The following CORO2B variants were observed in gnomAD, a reference collection of about 807,000 sequenced individuals.
CORO2B encodes the protein coronin-2B.
Under a neutral mutation model 58.8 loss-of-function variants are expected in CORO2B, and 26 were observed. That is an observed-to-expected ratio of 0.44 (90% CI 0.32 to 0.61). CORO2B has a LOEUF of 0.61. Among genes scored for constraint, CORO2B ranks in the 20% least tolerant of loss-of-function variants. CORO2B has a pLI of 0.04. For missense variants in CORO2B, 460 were observed against 645.1 expected, an observed-to-expected ratio of 0.71 and a Z score of 3.11; for synonymous variants, 242 against 253.8, an observed-to-expected ratio of 0.95 and a Z score of 0.44.
intron 1 of CORO2B, among the ~76,000 whole-genome samples, chr15:68,630,517 G>T (rs2140259540): frequency 6.6e-6 from 1 of 152,146 alleles, no homozygotes; most frequent in East Asian, 1.9e-4. Flanking sequence ...TCTTTGCTGT[G>T]GGGGCAGAAA....
At chr15:68,660,238 A>G (rs1901969921) in intron 2 of CORO2B, among the ~76,000 whole-genome samples, 1 of 152,256 alleles carries the variant, frequency 6.6e-6, no homozygotes, top group South Asian at 2.1e-4. Flanking sequence ...TCTAATGTCA[A>G]TTTGTTTGCT....
chr15:68,548,852 C>T, the CORO2B span, among the ~76,000 whole-genome samples: 43 of 152,310 alleles, frequency 2.8e-4, no homozygotes, highest in Non-Finnish European at 4.9e-4. Flanking sequence ...ATTACCTATA[C>T]ATATATTCTT....
chr15:68,611,071 A>G (rs1900237022), intron 1 of CORO2B, among the ~76,000 whole-genome samples: 1 of 152,182 alleles, frequency 6.6e-6, no homozygotes, highest in Non-Finnish European at 1.5e-5. Flanking sequence ...GTTCATCAAC[A>G]TGAGAAAATG....
chr15:68,564,875 A>T, the CORO2B span, among the ~76,000 whole-genome samples: 2 of 152,200 alleles, frequency 1.3e-5, no homozygotes, highest in African/African-American at 4.8e-5. Flanking sequence ...TTTATTAGAA[A>T]TTTTTGGCTA....
intron 1 of CORO2B, among the ~76,000 whole-genome samples, chr15:68,627,493 C>T (rs187247937): frequency 2.2e-4 from 34 of 152,036 alleles, no homozygotes; most frequent in African/African-American, 4.6e-4. Flanking sequence ...GAGAAGAGGG[C>T]GGGCATCTCT....
intron 3 of CORO2B, among the ~76,000 whole-genome samples, chr15:68,705,628 G>A (rs1267789446): frequency 1.3e-5 from 2 of 152,068 alleles, no homozygotes; most frequent in African/African-American, 4.8e-5. Flanking sequence ...CAGCTCTCTT[G>A]GTTTCCATCT....
chr15:68,713,292 G>A (rs996956945), intron 5 of CORO2B, among the ~76,000 whole-genome samples: 8 of 152,186 alleles, frequency 5.3e-5, no homozygotes, highest in African/African-American at 1.7e-4. Flanking sequence ...AATGCCCCTG[G>A]TGAGAGCTCC....
intron 1 of CORO2B, among the ~76,000 whole-genome samples, chr15:68,607,466 T>C (rs1406725598): frequency 1.3e-5 from 2 of 152,122 alleles, no homozygotes; most frequent in African/African-American, 4.8e-5. Context: ...TAGGGTCACT[T>C]CCACACCCAG....
At chr15:68,648,260 G>A (rs376799088) in intron 2 of CORO2B, among the ~76,000 whole-genome samples, 7 of 151,562 alleles carry the variant, frequency 4.6e-5, no homozygotes, top group African/African-American at 1.7e-4. Flanking sequence ...TTGAACCCGG[G>A]AGGCAGAGGT....
intron 2 of CORO2B, among the ~76,000 whole-genome samples, chr15:68,648,557 G>T (rs1317338836): frequency 2.0e-5 from 3 of 152,112 alleles, no homozygotes; most frequent in African/African-American, 7.2e-5. Context: ...GGCTGAGGTG[G>T]GAGAATGGTG....
chr15:68,698,725 T>C (rs933790411), intron 3 of CORO2B, among the ~76,000 whole-genome samples: 1 of 152,272 alleles, frequency 6.6e-6, no homozygotes, highest in East Asian at 1.9e-4. Flanking sequence ...TGCTCGTCTC[T>C]GAAACAGTAA....
At chr15:68,556,744 C>G in the CORO2B span, among the ~76,000 whole-genome samples, 1 of 152,222 alleles carries the variant, frequency 6.6e-6, no homozygotes, top group African/African-American at 2.4e-5. Context: ...CCTCCCAGAT[C>G]TCACCAGGAC....
intron 1 of CORO2B, among the ~76,000 whole-genome samples, chr15:68,621,640 T>C (rs762480455): frequency 1.6e-4 from 25 of 152,056 alleles, no homozygotes; most frequent in Non-Finnish European, 2.9e-4. Context: ...CTTGCTTTGG[T>C]TTGGTTGTTG....
the CORO2B span, among the ~76,000 whole-genome samples, chr15:68,568,591 T>G: frequency 6.6e-6 from 1 of 152,206 alleles, no homozygotes; most frequent in Non-Finnish European, 1.5e-5. Context: ...AACATAATAG[T>G]ACCAATCCCT....
Position 68,635,118 on chromosome 15 carries a change from C to T in CORO2B, c.16-10042C>T, listed in dbSNP as rs141670338. Among the ~76,000 whole-genome samples, 704 of 152,262 alleles carry T rather than the reference C, an allele frequency of 4.6e-3. 6 individuals are homozygous for T. The highest frequency in any genetic ancestry group is 0.015 in the African/African-American group (621 of 41,540). On this transcript the variant is annotated intron_variant, in intron 1 of 11. Transcript: ENST00000261861. Reference sequence around the variant, plus strand: ...CTCCAAGGATCTGTTCCCCAGAGCTCGAGCTTGCAGACCATCCACCCTGGC... The same window carrying T: ...CTCCAAGGATCTGTTCCCCAGAGCTTGAGCTTGCAGACCATCCACCCTGGC...
intron 1 of CORO2B, among the ~76,000 whole-genome samples, chr15:68,639,098 G>A (rs957306514): frequency 5.3e-5 from 8 of 152,202 alleles, no homozygotes; most frequent in Admixed American, 5.2e-4. Flanking sequence ...GGGCAGGGCA[G>A]CACATCAGCC....
chr15:68,587,268 G>T (rs532091017), intron 1 of CORO2B, among the ~76,000 whole-genome samples: 1 of 152,154 alleles, frequency 6.6e-6, no homozygotes, highest in African/African-American at 2.4e-5. Flanking sequence ...CTCAGAGAAG[G>T]TGGATGTTTT....
At chr15:68,589,917 A>G (rs2140565407) in intron 1 of CORO2B, among the ~76,000 whole-genome samples, 1 of 152,312 alleles carries the variant, frequency 6.6e-6, no homozygotes, top group Admixed American at 6.5e-5. Flanking sequence ...CAGGCCTGGC[A>G]GTGCATGCCC....
chr15:68,672,971 G>A (rs1279085432), intron 2 of CORO2B, among the ~76,000 whole-genome samples: 1 of 152,180 alleles, frequency 6.6e-6, no homozygotes, highest in Non-Finnish European at 1.5e-5. Flanking sequence ...ATGGGTTGAA[G>A]ATGAGATCAG....
Sources: gnomAD v4.1 joint callset for allele counts (sites outside exome capture counted in the v4.1 genomes callset) on GRCh38, gnomAD v4.1.1 for gene constraint, MANE v1.5 for transcripts, NCBI Gene and HGNC (gene_info 2026-07-23, HGNC 2026-07-21) for gene names.